Variants in DENND4C observed in about 807,000 individuals in gnomAD.
The protein encoded by DENND4C is DENN domain-containing protein 4C.
DENND4C carries 108 observed loss-of-function variants against 203.0 expected under a neutral mutation model. The observed-to-expected ratio is 0.53, with a 90% CI of 0.46 to 0.62. DENND4C has a LOEUF of 0.62. Among genes scored for constraint, DENND4C ranks in the 20% least tolerant of loss-of-function variants. The probability of loss-of-function intolerance (pLI) is 0.00; values close to 1 mark genes in which losing one functional copy is unlikely to be tolerated. For synonymous variants in DENND4C, 871 were observed against 792.4 expected, an observed-to-expected ratio of 1.10 and a Z score of -1.67; for missense variants, 2,481 against 2,301.2, an observed-to-expected ratio of 1.08 and a Z score of -1.60.
chr9:19,370,594 C>T (rs1442827380), intron 31 of DENND4C, among the ~76,000 whole-genome samples: 1 of 152,116 alleles, frequency 6.6e-6, no homozygotes, highest in Non-Finnish European at 1.5e-5. Context: ...ACTTACGTAC[C>T]ACTTATTCAG....
intron 30 of DENND4C, 147 bp from the exon 31 acceptor site, chr9:19,369,690 C>G (rs1258437554): frequency 5.6e-6 from 2 of 360,224 alleles, no homozygotes; most frequent in East Asian, 5.7e-5. Context: ...TCACTTGAGC[C>G]TGGGAGACGA....
chr9:19,323,294 G>A (rs915415316), intron 12 of DENND4C, among the ~76,000 whole-genome samples: 2 of 152,092 alleles, frequency 1.3e-5, no homozygotes, highest in African/African-American at 2.4e-5. Context: ...GCCAGTCGTG[G>A]TGATGGGCAC....
At chr9:19,349,886 A>G (rs1235833591) in intron 23 of DENND4C, among the ~76,000 whole-genome samples, 1 of 152,232 alleles carries the variant, frequency 6.6e-6, no homozygotes, top group African/African-American at 2.4e-5. Context: ...GATTTATATG[A>G]TTTTATATGT....
Position 19,357,079 on chromosome 9 carries a change from A to C in DENND4C, c.4889A>C (p.Asp1630Ala). 2 of 1,613,982 alleles carry C rather than the reference A, an allele frequency of 1.2e-6. No individual in the cohort carries two copies. The highest frequency in any genetic ancestry group is 1.7e-6 in the Non-Finnish European group (2 of 1,179,916). The part of the protein sequence containing the change: ...HKPVSSLAEP[D>A]LINFMDFPKH... ...CCTGTATCCAGTTTAGCAGAACCTG[A>C]CTTGATCAACTTTATGGACTTCCCA... The change falls in exon 27 of 33, where the codon GAC (aspartate) becomes GCC (alanine). Residue 1630 changes from aspartate (D) to alanine (A), a missense_variant. By Grantham distance (126) the Asp-to-Ala change is moderately radical (BLOSUM62 -2). Around this residue, in one of 3 missense-constraint regions of DENND4C, gnomAD observed 2,289 missense variants for 2,113.3 expected, o/e 1.08. Coordinates refer to ENST00000434457, the MANE Select transcript of DENND4C (RefSeq NM_001330640.2).
At chr9:19,289,828 C>CAA (rs377068068) in intron 4 of DENND4C, among the ~76,000 whole-genome samples, 71,632 of 126,498 alleles carry the variant, frequency 0.57, 20,112 homozygotes, top group South Asian at 0.58. Flanking sequence ...GATCCTGTCT[C>CAA]AAAAAAAAAA....
intron 4 of DENND4C, 134 bp from the exon 5 acceptor site, chr9:19,290,570 G>T: frequency 3.5e-6 from 2 of 566,406 alleles, no homozygotes; most frequent in Non-Finnish European, 5.5e-6. Flanking sequence ...ATAGCAAGGG[G>T]GAAATCAATT....
intron 1 of DENND4C, among the ~76,000 whole-genome samples, chr9:19,256,088 A>G (rs1827848388): frequency 7.7e-6 from 1 of 129,044 alleles, no homozygotes; most frequent in Non-Finnish European, 1.6e-5. Context: ...AAAATAAATG[A>G]AAAAAAAAAA....
At chr9:19,253,760 G>A (rs1386552481) in intron 1 of DENND4C, among the ~76,000 whole-genome samples, 3 of 152,026 alleles carry the variant, frequency 2.0e-5, no homozygotes, top group Admixed American at 6.6e-5. Flanking sequence ...CACTCTGAGC[G>A]ACCTAACCCA....
chr9:19,241,497 CT>C lies in DENND4C; in HGVS notation c.-18+10673del, dbSNP rs1289343434. ...TGAGTTGCGTGCCACTGCATCTGGC[CT>C]TTTTTTTTCGTTTTTCTTTTTTTTT... On this transcript the variant is annotated intron_variant, in intron 1 of 32. Transcript: ENST00000434457. Among the ~76,000 whole-genome samples, 28 of 147,410 alleles carry C rather than the reference CT, an allele frequency of 1.9e-4. 2 individuals carry two copies. The highest frequency in any genetic ancestry group is 4.8e-4 in the Admixed American group (7 of 14,640).
chr9:19,351,638 C>G (rs951207847), intron 24 of DENND4C, among the ~76,000 whole-genome samples: 1 of 151,930 alleles, frequency 6.6e-6, no homozygotes, highest in Non-Finnish European at 1.5e-5. Flanking sequence ...GAAACCGTCT[C>G]TACTAAAATA....
At chr9:19,304,414 C>G (rs1839230869) in intron 9 of DENND4C, among the ~76,000 whole-genome samples, 1 of 152,018 alleles carries the variant, frequency 6.6e-6, no homozygotes, top group Non-Finnish European at 1.5e-5. Flanking sequence ...AAACTTCTGA[C>G]CACAAGTGAT....
intron 1 of DENND4C, among the ~76,000 whole-genome samples, chr9:19,240,369 G>A (rs1329171520): frequency 3.3e-5 from 5 of 151,962 alleles, no homozygotes; most frequent in Admixed American, 6.6e-5. Context: ...ATAAAAATAC[G>A]GTATAAAAGG....
At chr9:19,336,966 A>C (rs909517570) in intron 20 of DENND4C, 134 bp downstream of exon 20, 2 of 856,260 alleles carry the variant, frequency 2.3e-6, no homozygotes, top group Non-Finnish European at 1.7e-6. Flanking sequence ...CAAGAGAAAC[A>C]ATACGAGTCT....
chr9:19,360,715 C>G (rs1826281788), intron 29 of DENND4C, among the ~76,000 whole-genome samples: 1 of 152,162 alleles, frequency 6.6e-6, no homozygotes, highest in African/African-American at 2.4e-5. Flanking sequence ...TGCTTTTGGT[C>G]CAGGATGGCT....
intron 10 of DENND4C, 135 bp from the exon 11 acceptor site, chr9:19,316,282 C>G: frequency 1.6e-6 from 1 of 631,308 alleles, no homozygotes; most frequent in Non-Finnish European, 2.7e-6. Flanking sequence ...TTCACTTATT[C>G]AAATTGTTTG....
chr9:19,256,160 A>C (rs756134204), intron 1 of DENND4C, among the ~76,000 whole-genome samples: 2 of 152,108 alleles, frequency 1.3e-5, no homozygotes, highest in Non-Finnish European at 2.9e-5. Flanking sequence ...GGGTTATACA[A>C]AGTACATTCT....
intron 10 of DENND4C, 78 bp from the exon 11 acceptor site, chr9:19,316,339 T>G (rs1412918655): frequency 9.0e-7 from 1 of 1,110,608 alleles, no homozygotes; most frequent in Admixed American, 2.2e-5. Context: ...TTTCTTGTTT[T>G]AGGTTGATGC....
chr9:19,354,730 G>C (rs1262869865), intron 26 of DENND4C, among the ~76,000 whole-genome samples: 1 of 151,318 alleles, frequency 6.6e-6, no homozygotes, highest in African/African-American at 2.4e-5. Flanking sequence ...AATTTTTGTA[G>C]AGATGGGGTT....
At chr9:19,366,769 G>C (rs1267886174) in intron 30 of DENND4C, among the ~76,000 whole-genome samples, 1 of 152,138 alleles carries the variant, frequency 6.6e-6, no homozygotes, top group African/African-American at 2.4e-5. Flanking sequence ...AAACATAGGA[G>C]TAAATCTTCA....
Sources: allele counts gnomAD v4.1 joint callset (sites outside exome capture counted in the v4.1 genomes callset), GRCh38; gene constraint gnomAD v4.1.1; regional missense constraint gnomAD v4.1.1; transcripts MANE v1.5; gene names NCBI Gene and HGNC (gene_info 2026-07-23, HGNC 2026-07-21).